Variants in CALN1 observed in about 807,000 individuals in gnomAD.
The protein encoded by CALN1 is calcium-binding protein 8.
CALN1 carries 17 observed loss-of-function variants against 30.6 expected under a neutral mutation model. The observed-to-expected ratio is 0.56, with a 90% CI of 0.38 to 0.83. CALN1 has a LOEUF of 0.83. CALN1 is among the 40% of genes least tolerant of loss of function. The pLI, the probability that CALN1 is intolerant of heterozygous loss-of-function variation, is 0.00. For missense variants in CALN1, 291 were observed against 354.9 expected (o/e 0.82, Z 1.45); for synonymous variants, 156 against 131.4 (o/e 1.19, Z -1.28).
At chr7:72,155,489 C>A (rs1353549599) in intron 3 of CALN1, among the ~76,000 whole-genome samples, 3 of 142,144 alleles carry the variant, frequency 2.1e-5, no homozygotes, top group Non-Finnish European at 3.0e-5. Flanking sequence ...AAGACTCTGT[C>A]TCAAAAAAAA....
chr7:72,398,771 C>T (rs1262391570), intron 2 of CALN1, among the ~76,000 whole-genome samples: 1 of 152,214 alleles, frequency 6.6e-6, no homozygotes. Flanking sequence ...ACACCTTGCT[C>T]CAACCAAAGT....
At chr7:71,809,838 T>A (rs933904019) in intron 6 of CALN1, among the ~76,000 whole-genome samples, 6 of 152,114 alleles carry the variant, frequency 3.9e-5, no homozygotes, top group Non-Finnish European at 8.8e-5. Flanking sequence ...TTTTCTTTTT[T>A]TTGGCCAGTG....
chr7:72,362,335 G>A (rs772549712), intron 2 of CALN1, among the ~76,000 whole-genome samples: 2 of 152,040 alleles, frequency 1.3e-5, no homozygotes, highest in African/African-American at 2.4e-5. Flanking sequence ...ATGTACAGTC[G>A]CAAGAGTTTT....
intron 5 of CALN1, among the ~76,000 whole-genome samples, chr7:71,851,208 A>AACACACACACACACACACAC (rs56041427): frequency 3.8e-5 from 5 of 132,098 alleles, no homozygotes; most frequent in African/African-American, 5.8e-5. Context: ...CCTTGTCTCA[A>AACACACACACACACACACAC]ACACACACAC....
chr7:71,947,060 G>C (rs866016839), intron 5 of CALN1, among the ~76,000 whole-genome samples: 1 of 152,102 alleles, frequency 6.6e-6, no homozygotes, highest in Non-Finnish European at 1.5e-5. Context: ...ACCTAGGCTG[G>C]AGTGAAGTGG....
chr7:71,821,652 A>G (rs999340933), intron 5 of CALN1, among the ~76,000 whole-genome samples: 1 of 152,178 alleles, frequency 6.6e-6, no homozygotes, highest in Non-Finnish European at 1.5e-5. Context: ...GACACAGCTA[A>G]ACCATACCAA....
chr7:72,389,347 T>C (rs1300250820), intron 2 of CALN1, among the ~76,000 whole-genome samples: 9 of 152,200 alleles, frequency 5.9e-5, no homozygotes, highest in Non-Finnish European at 7.3e-5. Flanking sequence ...ATAGCCTCCT[T>C]CTTTCTGGCT....
intron 5 of CALN1, among the ~76,000 whole-genome samples, chr7:71,964,428 C>A (rs1296567152): frequency 1.3e-5 from 2 of 152,178 alleles, no homozygotes; most frequent in African/African-American, 4.8e-5. Context: ...AGACCCTCTG[C>A]TTATCGCAAG....
At chr7:72,494,317 T>C in the CALN1 span, among the ~76,000 whole-genome samples, 1 of 152,296 alleles carries the variant, frequency 6.6e-6, no homozygotes, top group East Asian at 1.9e-4. Flanking sequence ...GTCAGTAGAA[T>C]ACACCAGTCA....
chr7:72,246,885 G>A (rs747807011), intron 3 of CALN1, among the ~76,000 whole-genome samples: 3 of 151,014 alleles, frequency 2.0e-5, no homozygotes, highest in Non-Finnish European at 2.9e-5. Context: ...CTCCCAAGTC[G>A]CTGGAATTAC....
intron 5 of CALN1, among the ~76,000 whole-genome samples, chr7:72,018,095 G>A (rs1255611896): frequency 1.3e-5 from 2 of 152,036 alleles, no homozygotes; most frequent in East Asian, 3.9e-4. Context: ...TCAAGCAGAA[G>A]AAAATGAAAA....
intron 2 of CALN1, among the ~76,000 whole-genome samples, chr7:72,365,715 G>C (rs1346979567): frequency 1.3e-5 from 2 of 152,128 alleles, no homozygotes; most frequent in Non-Finnish European, 2.9e-5. Flanking sequence ...ACAGGTGTGA[G>C]CAACTATGCC....
chr7:71,784,888 G>A lies in CALN1; in HGVS notation c.*2887C>T, dbSNP rs552385869. 2.8e-5 allele frequency: 11 copies of A among 398,696 alleles called. No individual in the cohort carries two copies. The East Asian group carries it at 3.6e-4, about 13-fold the overall frequency. The allele number at this position is 398,696 out of a possible 1,614,324, so 24.7% of individuals were successfully genotyped here. A position where few individuals can be genotyped will look rare whatever the true frequency, so the allele number is the denominator to read the frequency against. On this transcript the variant is annotated 3_prime_UTR_variant, in exon 7 of 7. Transcript: ENST00000395275. ...GTGAGCTTCATAGCCACCATGATGGGGACACTGACTGGCATGGGGCCCTAG... is the reference window on the plus strand; with the variant it reads ...GTGAGCTTCATAGCCACCATGATGGAGACACTGACTGGCATGGGGCCCTAG...
chr7:72,195,387 T>TC (rs1790913238), intron 3 of CALN1, among the ~76,000 whole-genome samples: 1 of 152,162 alleles, frequency 6.6e-6, no homozygotes, highest in Non-Finnish European at 1.5e-5. Flanking sequence ...AATCTCTCTC[T>TC]TTTTTTAAGA....
At chr7:71,919,957 T>C (rs552728956) in intron 5 of CALN1, among the ~76,000 whole-genome samples, 1 of 152,206 alleles carries the variant, frequency 6.6e-6, no homozygotes, top group Non-Finnish European at 1.5e-5. Flanking sequence ...TAGCTCACCA[T>C]GACGGAAAGA....
chr7:72,074,333 A>G (rs1240424477), intron 4 of CALN1, among the ~76,000 whole-genome samples: 1 of 152,236 alleles, frequency 6.6e-6, no homozygotes, highest in Non-Finnish European at 1.5e-5. Flanking sequence ...TGCCCTAGTC[A>G]TAGCGGCAGG....
intron 3 of CALN1, among the ~76,000 whole-genome samples, chr7:72,198,825 G>A (rs895426188): frequency 2.6e-5 from 4 of 152,178 alleles, no homozygotes; most frequent in Non-Finnish European, 5.9e-5. Flanking sequence ...TTTGGGATGG[G>A]AAGATTTTTA....
Position 72,106,551 on chromosome 7 carries a change from G to A in CALN1, c.245-257C>T, listed in dbSNP as rs762803099. 2.7e-5 allele frequency among the ~76,000 whole-genome samples: 4 copies of A among 148,822 alleles called. No individual in the cohort carries two copies. The South Asian group carries it at 8.6e-4, about 32-fold the overall frequency. On this transcript the variant is annotated intron_variant, in intron 3 of 6. Coordinates refer to ENST00000395275, the MANE Select transcript of CALN1 (RefSeq NM_031468.4). ...AGAGAGGAAGAAAAAGAAAAGGAAA[G>A]GGAGAAAGGGAGAGAGAAAAAGAGG...
chr7:71,804,584 C>G (rs1292136160), intron 6 of CALN1, among the ~76,000 whole-genome samples: 5 of 152,034 alleles, frequency 3.3e-5, no homozygotes. Flanking sequence ...TTTGGGAGGC[C>G]AGGGTGGGAG....
Sources: allele counts gnomAD v4.1 joint callset (sites outside exome capture counted in the v4.1 genomes callset), GRCh38; gene constraint gnomAD v4.1.1; transcripts MANE v1.5; gene names NCBI Gene and HGNC (gene_info 2026-07-23, HGNC 2026-07-21).